GABPB1: variants seen among roughly 807,000 people sequenced by gnomAD.
GABPB1 encodes GA binding protein transcription factor subunit beta 1, also known as GA-binding protein subunit beta-1.
Under a neutral mutation model 45.9 loss-of-function variants are expected in GABPB1, and 15 were observed. That is an observed-to-expected ratio of 0.33 (90% CI 0.22 to 0.50). The LOEUF is 0.50. Among genes scored for constraint, GABPB1 ranks in the 20% least tolerant of loss-of-function variants. The probability of loss-of-function intolerance (pLI) is 0.98; values close to 1 mark genes in which losing one functional copy is unlikely to be tolerated. For missense variants in GABPB1, 252 were observed against 457.5 expected (o/e 0.55, Z 4.10); for synonymous variants, 143 against 154.4 (o/e 0.93, Z 0.55).
At chr15:50,333,023 T>G (rs978318842) in intron 1 of GABPB1, among the ~76,000 whole-genome samples, 1 of 152,198 alleles carries the variant, frequency 6.6e-6, no homozygotes, top group African/African-American at 2.4e-5. Context: ...ATGTGGATAT[T>G]TAATAAAAAT....
intron 1 of GABPB1, among the ~76,000 whole-genome samples, chr15:50,346,828 C>T (rs1252771530): frequency 6.8e-6 from 1 of 148,036 alleles, no homozygotes; most frequent in Non-Finnish European, 1.5e-5. Flanking sequence ...CACTCTGTCG[C>T]CCAGGCTGGA....
At chr15:50,328,263 C>G (rs1306681168) in intron 1 of GABPB1, among the ~76,000 whole-genome samples, 1 of 151,790 alleles carries the variant, frequency 6.6e-6, no homozygotes, top group East Asian at 1.9e-4. Flanking sequence ...TTGTACTTTA[C>G]AGCTTACACA....
chr15:50,300,441 T>G lies in GABPB1; in HGVS notation c.697+348A>C, dbSNP rs1459932347. ...TGAATCTGCAACTGTTTTTGGTTTT[T>G]TTTTTTTTTTTTTTTTTTTGAGACA... On this transcript the variant is annotated intron_variant, in intron 6 of 8. Coordinates refer to ENST00000380877, the MANE Select transcript of GABPB1 (RefSeq NM_016654.5). Among the ~76,000 whole-genome samples the G allele has an allele frequency of 2.2e-4, 26 of 116,884 alleles. 2 individuals are homozygous for G. The highest frequency in any genetic ancestry group is 4.4e-4 in the Admixed American group (5 of 11,336). 76.7% of individuals were successfully genotyped at this position (116,884 alleles called of 152,430 possible).
At chr15:50,303,187 A>G in intron 3 of GABPB1, 64 bp from the exon 4 acceptor site, 1 of 1,246,236 alleles carries the variant, frequency 8.0e-7, no homozygotes, top group Non-Finnish European at 1.1e-6. Flanking sequence ...TCCTGATATG[A>G]AATTATTAGT....
intron 1 of GABPB1, among the ~76,000 whole-genome samples, chr15:50,330,901 C>T (rs970706770): frequency 7.9e-5 from 12 of 151,964 alleles, no homozygotes; most frequent in Admixed American, 2.0e-4. Context: ...CAGTGATAAA[C>T]GGTATGAAGA....
At chr15:50,350,311 C>T (rs556782881) in intron 1 of GABPB1, 5 of 149,042 alleles carry the variant, frequency 3.4e-5, no homozygotes, top group East Asian at 2.0e-4. Flanking sequence ...ATATGATTAC[C>T]GTGGGGCTTA....
At chr15:50,323,990 C>T (rs2047663482) in intron 1 of GABPB1, among the ~76,000 whole-genome samples, 1 of 152,044 alleles carries the variant, frequency 6.6e-6, no homozygotes, top group Non-Finnish European at 1.5e-5. Flanking sequence ...TTGCTCGAAC[C>T]CTGGAGTTGG....
At chr15:50,319,176 T>C (rs556201508) in intron 1 of GABPB1, among the ~76,000 whole-genome samples, 1 of 152,274 alleles carries the variant, frequency 6.6e-6, no homozygotes, top group South Asian at 2.1e-4. Context: ...GAAAGAGGGT[T>C]CTGGGGTGGG....
chr15:50,346,641 G>C (rs1372499739), intron 1 of GABPB1, among the ~76,000 whole-genome samples: 1 of 141,016 alleles, frequency 7.1e-6, no homozygotes, highest in Non-Finnish European at 1.5e-5. Flanking sequence ...TGCCAAGGCT[G>C]GTAGTGAACC....
chr15:50,340,205 T>C (rs2048300501), intron 1 of GABPB1, among the ~76,000 whole-genome samples: 1 of 152,178 alleles, frequency 6.6e-6, no homozygotes, highest in Non-Finnish European at 1.5e-5. Flanking sequence ...AGCCATGGAA[T>C]CTGCCACCAC....
At chr15:50,303,229 G>T in intron 3 of GABPB1, 106 bp from the exon 4 acceptor site, 1 of 858,840 alleles carries the variant, frequency 1.2e-6, no homozygotes, top group Non-Finnish European at 1.8e-6. Flanking sequence ...AAATAATGTA[G>T]TCAATTATTT....
chr15:50,346,073 C>T (rs2048567160), intron 1 of GABPB1, among the ~76,000 whole-genome samples: 1 of 151,842 alleles, frequency 6.6e-6, no homozygotes, highest in East Asian at 1.9e-4. Context: ...TCAAAGTGAC[C>T]AGAGAGGTAA....
intron 1 of GABPB1, among the ~76,000 whole-genome samples, chr15:50,346,587 G>GTT (rs67151288): frequency 0.26 from 31,190 of 119,718 alleles, 5,897 homozygotes; most frequent in Middle Eastern, 0.38. Flanking sequence ...ACAACAGAAA[G>GTT]TTTTTTTTTT....
intron 8 of GABPB1, among the ~76,000 whole-genome samples, chr15:50,285,197 T>C (rs577314092): frequency 1.1e-4 from 16 of 152,302 alleles, no homozygotes; most frequent in Admixed American, 9.2e-4. Context: ...ATAAATATTG[T>C]ATGACTATGC....
intron 4 of GABPB1, among the ~76,000 whole-genome samples, chr15:50,301,891 T>C (rs1350509856): frequency 1.3e-5 from 2 of 152,234 alleles, no homozygotes; most frequent in East Asian, 3.8e-4. Flanking sequence ...CTCAATTAAT[T>C]GTTCCCCATC....
At chr15:50,313,839 CCTAATTTAAAAAATTTTTTTTCAAAGGGA>C (rs2047215074) in intron 1 of GABPB1, among the ~76,000 whole-genome samples, 1 of 151,886 alleles carries the variant, frequency 6.6e-6, no homozygotes, top group Non-Finnish European at 1.5e-5. Context: ...TACTATATTA[CCTAATTTAAAAAATTTTTTTTCAAAGGGA>C]CAAATTACAT....
Position 50,343,394 on chromosome 15 carries a change from G to A in GABPB1, c.-1+11591C>T, listed in dbSNP as rs901897924. On this transcript the variant is annotated intron_variant, in intron 1 of 8. Transcript: ENST00000380877. ...TTCTTTGAACAAGGCAAATGTGTTCGCACTTTAGGGTCTAGCACAAGTTGG... is the reference window on the plus strand; with the variant it reads ...TTCTTTGAACAAGGCAAATGTGTTCACACTTTAGGGTCTAGCACAAGTTGG... 1.1e-4 allele frequency among the ~76,000 whole-genome samples: 16 copies of A among 152,226 alleles called. No homozygotes were observed. The East Asian group carries it at 1.9e-3, about 18-fold the overall frequency.
intron 1 of GABPB1, among the ~76,000 whole-genome samples, chr15:50,330,798 T>A (rs2047923993): frequency 6.6e-6 from 1 of 152,224 alleles, no homozygotes; most frequent in Non-Finnish European, 1.5e-5. Flanking sequence ...AACAAATGTT[T>A]ACTGAGTAAA....
At chr15:50,304,890 G>C (rs545485285) in intron 2 of GABPB1, among the ~76,000 whole-genome samples, 1 of 152,190 alleles carries the variant, frequency 6.6e-6, no homozygotes, top group Admixed American at 6.5e-5. Flanking sequence ...TTGTTTTGTA[G>C]GTCTTAAAAA....
Sources: allele counts gnomAD v4.1 joint callset (sites outside exome capture counted in the v4.1 genomes callset), GRCh38; gene constraint gnomAD v4.1.1; transcripts MANE v1.5; gene names NCBI Gene and HGNC (gene_info 2026-07-23, HGNC 2026-07-21).